Variants in SFT2D2 observed in about 807,000 individuals in gnomAD.
SFT2D2 encodes SFT2 domain containing 2, also known as vesicle transport protein SFT2B.
A neutral mutation model predicts 27.4 loss-of-function variants in SFT2D2; 21 were observed. The observed-to-expected ratio is 0.77, with a 90% CI of 0.54 to 1.10. The LOEUF (loss-of-function observed/expected upper bound fraction) is 1.10. Among genes scored for constraint, SFT2D2 ranks in the 50% least tolerant of loss-of-function variants. SFT2D2 has a pLI of 0.00. For synonymous variants in SFT2D2, 72 were observed against 71.7 expected, an observed-to-expected ratio of 1.00 and a Z score of -0.02; for missense variants, 187 against 194.2, an observed-to-expected ratio of 0.96 and a Z score of 0.22.
intron 7 of SFT2D2, among the ~76,000 whole-genome samples, 171 bp downstream of exon 7, chr1:168,239,331 C>CT (rs569568116): frequency 4.5e-4 from 69 of 152,260 alleles, no homozygotes; most frequent in African/African-American, 1.6e-3. Context: ...ACCACCCACT[C>CT]TAATTATACA....
intron 7 of SFT2D2, among the ~76,000 whole-genome samples, chr1:168,239,532 C>T (rs942833434): frequency 1.4e-5 from 2 of 141,042 alleles, no homozygotes; most frequent in Admixed American, 7.5e-5. Flanking sequence ...GATCTCAATT[C>T]GTGCTTCTTG....
intron 2 of SFT2D2, 66 bp downstream of exon 2, chr1:168,231,666 T>C: frequency 2.0e-6 from 3 of 1,529,116 alleles, no homozygotes; most frequent in Non-Finnish European, 2.7e-6. Context: ...CCCCCTTTTG[T>C]CCACCTCCTT....
chr1:168,252,064 C>T lies in SFT2D2; in HGVS notation c.*9524C>T, dbSNP rs981606572. On this transcript the variant is annotated 3_prime_UTR_variant, in exon 8 of 8. Coordinates refer to ENST00000271375, the MANE Select transcript of SFT2D2 (RefSeq NM_199344.3). ...CATAGTCCCTGATACTTAAGCTTTA[C>T]CCTTGGCTTACCAGTTTTCATTGCA... The T allele has an allele frequency of 6.6e-6, 1 of 151,870 alleles. No individual in the cohort carries two copies. The highest frequency in any genetic ancestry group is 2.4e-5 in the African/African-American group (1 of 41,396). 9.4% of individuals were successfully genotyped at this position (151,870 alleles called of 1,614,324 possible). A position where few individuals can be genotyped will look rare whatever the true frequency, so the allele number is the denominator to read the frequency against.
rs1486768073 is a variant in SFT2D2 at position 168,226,071 on chromosome 1, T to C, written c.-9T>C. ...CTGAGGAGCTGGAGCTGGTGGGGAC[T>C]GGGCCGCAATGGACAAGCTGAAGAA... On this transcript the variant is annotated 5_prime_UTR_variant, in exon 1 of 8. Transcript: ENST00000271375. 1 of 1,529,488 alleles carries C rather than the reference T, an allele frequency of 6.5e-7. No individual in the cohort carries two copies. Among genetic ancestry groups the C allele is most frequent in the South Asian group, 1.2e-5 (1 of 81,128 alleles). The allele number at this position is 1,529,488 out of a possible 1,614,324, so 94.7% of individuals were successfully genotyped here. A position where few individuals can be genotyped will look rare whatever the true frequency, so the allele number is the denominator to read the frequency against.
Position 168,231,904 on chromosome 1 carries a change from T to G in SFT2D2, c.221T>G (p.Ile74Ser), listed in dbSNP as rs367848045. 3 of 1,614,022 alleles carry G rather than the reference T, an allele frequency of 1.9e-6. No individual in the cohort carries two copies. The highest frequency in any genetic ancestry group is 2.7e-5 in the African/African-American group (2 of 74,914). Residue 74 changes from isoleucine to serine, a missense_variant, in exon 3 of 8, where the codon ATC becomes AGC. Transcript: ENST00000271375. ...LFAVFYTFGN[I>S]ASIGSTIFLM... ...GCAGTGTTTTATACCTTTGGTAATATCGCATCAATTGGGAGGTAACTGTTT... is the reference window on the plus strand; with the variant it reads ...GCAGTGTTTTATACCTTTGGTAATAGCGCATCAATTGGGAGGTAACTGTTT...
In SFT2D2 at chr1:168,226,020, A is replaced by C; in HGVS notation, c.-60A>C. The C allele has an allele frequency of 7.0e-7, 1 of 1,438,054 alleles. No individual in the cohort carries two copies. Among genetic ancestry groups the C allele is most frequent in the Non-Finnish European group, 9.2e-7 (1 of 1,083,018 alleles). The allele number at this position is 1,438,054 out of a possible 1,614,324, so 89.1% of individuals were successfully genotyped here. ...CTGCCTAGCACCCGGAAGAGCCGTC[A>C]ACTTAGCGAGCGCAACAGGCTGCCG... On this transcript the variant is annotated 5_prime_UTR_variant, in exon 1 of 8. Coordinates refer to ENST00000271375, the MANE Select transcript of SFT2D2 (RefSeq NM_199344.3).
In SFT2D2 at chr1:168,251,367, A is replaced by G. The variant is rs1350627188; in HGVS notation, c.*8827A>G. On this transcript the variant is annotated 3_prime_UTR_variant, in exon 8 of 8. Coordinates refer to ENST00000271375, the MANE Select transcript of SFT2D2 (RefSeq NM_199344.3). ...TTTGATACTTCTGTTAAAATAGATA[A>G]TAAGGAACCATATCTTAAAGTGTGG... 1.3e-5 allele frequency: 2 copies of G among 152,174 alleles called. No homozygotes were observed. The highest frequency in any genetic ancestry group is 2.9e-5 in the Non-Finnish European group (2 of 68,024). The allele number at this position is 152,174 out of a possible 1,614,324, so 9.4% of individuals were successfully genotyped here.
rs373100752 is a variant in SFT2D2 at position 168,245,614 on chromosome 1, A to C, written c.*3074A>C. On this transcript the variant is annotated 3_prime_UTR_variant, in exon 8 of 8. Coordinates refer to ENST00000271375, the MANE Select transcript of SFT2D2 (RefSeq NM_199344.3). Reference sequence around the variant, plus strand: ...ATTAAAAACTGGTTTTAAGATTCACATGGCATGCAGATGATCTAGAAGATC... The same window carrying C: ...ATTAAAAACTGGTTTTAAGATTCACCTGGCATGCAGATGATCTAGAAGATC... The C allele has an allele frequency of 6.9e-6, 1 of 144,420 alleles. No homozygotes were observed. The highest frequency in any genetic ancestry group is 7.2e-5 in the Admixed American group (1 of 13,864). 8.9% of individuals were successfully genotyped at this position (144,420 alleles called of 1,614,324 possible).
At chr1:168,238,293 A>G (rs1487995766) in intron 6 of SFT2D2, among the ~76,000 whole-genome samples, 1 of 150,236 alleles carries the variant, frequency 6.7e-6, no homozygotes, top group East Asian at 1.9e-4. Context: ...TAAAATTAAT[A>G]GGAGCAGAGC....
In SFT2D2 at chr1:168,246,591, CT is replaced by C; in HGVS notation, c.*4052del. On this transcript the variant is annotated 3_prime_UTR_variant, in exon 8 of 8. Transcript: ENST00000271375. The stretch of plus-strand genomic sequence containing the variant: ...TCAGAACATGAGAATTCAAATTTTC[CT>C]GTAAATGACGCAATTTATCTACTGT... 1 of 1,503,670 alleles carries C rather than the reference CT, an allele frequency of 6.7e-7. No homozygotes were observed. The allele number at this position is 1,503,670 out of a possible 1,614,324, so 93.1% of individuals were successfully genotyped here.
rs1477131662 is a variant in SFT2D2, at chr1:168,230,393, C to T, written c.64-1121C>T. 2.0e-5 allele frequency among the ~76,000 whole-genome samples: 3 copies of T among 152,224 alleles called. No individual in the cohort carries two copies. The East Asian group carries it at 5.8e-4, about 29-fold the overall frequency. On this transcript the variant is annotated intron_variant, in intron 1 of 7. Transcript: ENST00000271375. ...CCTGTGTGGTGTTGGTCTCTTACGG[C>T]AGCTGTCTTTGTCCAGCTTGGAACA...
At position 168,241,205 on chromosome 1, in the gene SFT2D2, C is replaced by CTTTTTTTTTTTT. The variant is rs11387591; in HGVS notation, c.444-1287_444-1276dup. 1.0e-3 allele frequency among the ~76,000 whole-genome samples: 104 copies of CTTTTTTTTTTTT among 100,128 alleles called. 4 individuals are homozygous for CTTTTTTTTTTTT. The highest frequency in any genetic ancestry group is 1.5e-3 in the Non-Finnish European group (78 of 53,016). 65.7% of individuals were successfully genotyped at this position (100,128 alleles called of 152,430 possible). ...CAGAGCTAGATCCCACCCTTCTATT[C>CTTTTTTTTTTTT]TTTTTTTTTTTTTTTTTTTTGAGAT... On this transcript the variant is annotated intron_variant, in intron 7 of 7. Transcript: ENST00000271375.
chr1:168,229,052 G>A (rs1419616116), intron 1 of SFT2D2, among the ~76,000 whole-genome samples: 1 of 152,218 alleles, frequency 6.6e-6, no homozygotes, highest in African/African-American at 2.4e-5. Flanking sequence ...ATACAGTGGT[G>A]AAATATGCCC....
At chr1:168,241,964 A>G (rs1209429250) in intron 7 of SFT2D2, among the ~76,000 whole-genome samples, 2 of 152,192 alleles carry the variant, frequency 1.3e-5, no homozygotes, top group Non-Finnish European at 2.9e-5. Flanking sequence ...TTGCTTGGGT[A>G]GAATAGTAAT....
chr1:168,226,955 G>T (rs1326696492), intron 1 of SFT2D2, among the ~76,000 whole-genome samples: 3 of 152,050 alleles, frequency 2.0e-5, no homozygotes, highest in Non-Finnish European at 2.9e-5. Context: ...AAGTAGCTGG[G>T]ATTACAGACA....
rs1286554508 is a variant in SFT2D2, at chr1:168,248,507, CTCT to C, written c.*5972_*5974del. On this transcript the variant is annotated 3_prime_UTR_variant, in exon 8 of 8. Transcript: ENST00000271375. ...TTGGCTGTGGGTTTGTCATAAATAG[CTCT>C]TCTTATTTTGAGATGCGTTCCATCA... 6.6e-6 allele frequency: 1 copy of C among 152,150 alleles called. No homozygotes were observed. The allele number at this position is 152,150 out of a possible 1,614,324, so 9.4% of individuals were successfully genotyped here.
At chr1:168,230,349 A>G (rs1257192517) in intron 1 of SFT2D2, among the ~76,000 whole-genome samples, 1 of 152,192 alleles carries the variant, frequency 6.6e-6, no homozygotes, top group Admixed American at 6.5e-5. Flanking sequence ...CCCTGTGTGA[A>G]TATACATGGC....
In SFT2D2 at chr1:168,237,765, T is replaced by TACTGTGTTG. The variant is rs557292244; in HGVS notation, c.413+998_413+1006dup. Among the ~76,000 whole-genome samples, 55 of 152,330 alleles carry TACTGTGTTG rather than the reference T, an allele frequency of 3.6e-4. 1 individual carries two copies. The East Asian group carries it at 9.6e-3, about 27-fold the overall frequency. Reference sequence around the variant, plus strand: ...TAGTTACAAATTGCCTTTTGGAATTTACTGTGTTGACAAGTAATTGAGCTT... The same window carrying TACTGTGTTG: ...TAGTTACAAATTGCCTTTTGGAATTTACTGTGTTGACTGTGTTGACAAGTAATTGAGCTT... On this transcript the variant is annotated intron_variant, in intron 6 of 7. Coordinates refer to ENST00000271375, the MANE Select transcript of SFT2D2 (RefSeq NM_199344.3).
intron 7 of SFT2D2, among the ~76,000 whole-genome samples, chr1:168,240,868 C>T (rs375840891): frequency 1.2e-4 from 18 of 152,086 alleles, no homozygotes; most frequent in African/African-American, 3.1e-4. Flanking sequence ...GCCGAGATCA[C>T]GCCATTGCCC....
Sources: allele counts gnomAD v4.1 joint callset (sites outside exome capture counted in the v4.1 genomes callset), GRCh38; gene constraint gnomAD v4.1.1; transcripts MANE v1.5; gene names NCBI Gene and HGNC (gene_info 2026-07-23, HGNC 2026-07-21).